NDUFB5: variants seen among roughly 807,000 people sequenced by gnomAD.
The protein encoded by NDUFB5 is NADH:ubiquinone oxidoreductase subunit B5, also known as NADH dehydrogenase [ubiquinone] 1 beta subcomplex subunit 5, mitochondrial.
In NDUFB5, 19 loss-of-function variants were observed where a neutral mutation model predicts 19.4. The observed-to-expected ratio is 0.98, with a 90% CI of 0.68 to 1.43. NDUFB5 has a LOEUF of 1.43. Ranked by LOEUF, NDUFB5 falls within the 40% of genes most tolerant of loss-of-function variation. The probability of loss-of-function intolerance (pLI) is 0.00; values close to 1 mark genes in which losing one functional copy is unlikely to be tolerated. For missense variants in NDUFB5, 233 were observed against 236.5 expected, an observed-to-expected ratio of 0.99 and a Z score of 0.10; for synonymous variants, 80 against 82.6, an observed-to-expected ratio of 0.97 and a Z score of 0.17.
chr3:179,615,605 C>T (rs1719357223), intron 2 of NDUFB5: 1 of 469,220 alleles, frequency 2.1e-6, no homozygotes, highest in Non-Finnish European at 4.2e-6. Context: ...TTGTCTGGAC[C>T]ATCTGCCACG....
At chr3:179,613,547 A>C (rs894965487) in intron 1 of NDUFB5, among the ~76,000 whole-genome samples, 1 of 152,220 alleles carries the variant, frequency 6.6e-6, no homozygotes, top group Non-Finnish European at 1.5e-5. Flanking sequence ...AGTACTTTGT[A>C]CTGTCATCCA....
chr3:179,612,093 G>C (rs1719257217), intron 1 of NDUFB5, among the ~76,000 whole-genome samples: 1 of 151,930 alleles, frequency 6.6e-6, no homozygotes, highest in African/African-American at 2.4e-5. Flanking sequence ...GGGAGTACAA[G>C]CATGCACCAC....
At chr3:179,615,614 C>T (rs948470053) in intron 2 of NDUFB5, 7 of 471,708 alleles carry the variant, frequency 1.5e-5, no homozygotes, top group Non-Finnish European at 2.1e-5. Flanking sequence ...CCATCTGCCA[C>T]GGTAGATAAA....
At position 179,624,833 on chromosome 3, in the gene NDUFB5, G is replaced by A. The variant is rs1254320592; in HGVS notation, c.*793G>A. ...TTTTTTTTTGACGAAATCTTGCACT[G>A]TCACCCAGGCTAGAGTGCAGTGCCG... On this transcript the variant is annotated 3_prime_UTR_variant, in exon 6 of 6. Coordinates refer to ENST00000259037, the MANE Select transcript of NDUFB5 (RefSeq NM_002492.4). 8.7e-6 allele frequency: 1 copy of A among 115,370 alleles called. No individual in the cohort carries two copies. The highest frequency in any genetic ancestry group is 1.1e-4 in the Admixed American group (1 of 9,030). 7.1% of individuals were successfully genotyped at this position (115,370 alleles called of 1,614,324 possible).
At chr3:179,622,410 T>G (rs774170987) in intron 5 of NDUFB5, among the ~76,000 whole-genome samples, 1 of 152,124 alleles carries the variant, frequency 6.6e-6, no homozygotes, top group Non-Finnish European at 1.5e-5. Context: ...AGCTCCTGAG[T>G]AGCTAGGACT....
chr3:179,612,580 C>G (rs1006956502), intron 1 of NDUFB5, among the ~76,000 whole-genome samples: 2 of 148,910 alleles, frequency 1.3e-5, no homozygotes, highest in African/African-American at 5.0e-5. Context: ...GGTTTACTTA[C>G]GCCATTCTCC....
intron 5 of NDUFB5, among the ~76,000 whole-genome samples, chr3:179,619,362 C>G (rs990514763): frequency 4.0e-5 from 6 of 151,806 alleles, no homozygotes; most frequent in African/African-American, 1.5e-4. Context: ...CCACCCACCC[C>G]ACAACAGGCC....
chr3:179,606,618 G>A (rs762654698), intron 1 of NDUFB5, among the ~76,000 whole-genome samples: 5 of 152,160 alleles, frequency 3.3e-5, no homozygotes, highest in African/African-American at 1.2e-4. Context: ...GATCACAGGC[G>A]TGAGCCACCC....
rs1719619219 is a variant in NDUFB5, at chr3:179,624,536, GTTC to G, written c.*499_*501del. On this transcript the variant is annotated 3_prime_UTR_variant, in exon 6 of 6. Transcript: ENST00000259037. ...ATGGTTTTTTTTTTTGCCATGTATTGTTCTTTTTTAAACTACACACAGACACAC... is the reference window on the plus strand; with the variant it reads ...ATGGTTTTTTTTTTTGCCATGTATTGTTTTTTAAACTACACACAGACACAC... 7.9e-6 allele frequency: 1 copy of G among 126,118 alleles called. No individual in the cohort carries two copies. Among genetic ancestry groups the G allele is most frequent in the South Asian group, 2.6e-4 (1 of 3,826 alleles). The allele number at this position is 126,118 out of a possible 1,614,324, so 7.8% of individuals were successfully genotyped here.
At chr3:179,606,434 G>A (rs570666488) in intron 1 of NDUFB5, among the ~76,000 whole-genome samples, 1 of 151,996 alleles carries the variant, frequency 6.6e-6, no homozygotes, top group Non-Finnish European at 1.5e-5. Context: ...TGCCTCCTGC[G>A]TTCAGGCGAT....
chr3:179,626,623 C>G lies in NDUFB5; in HGVS notation c.*2583C>G, dbSNP rs760318591. On this transcript the variant is annotated 3_prime_UTR_variant, in exon 6 of 6. Coordinates refer to ENST00000259037, the MANE Select transcript of NDUFB5 (RefSeq NM_002492.4). ...TCGACTCAGTGCAACCTCCGCCTCC[C>G]AGGTTCAAGCAATTCTCCTGCCTCA... The G allele has an allele frequency of 2.0e-5, 3 of 152,230 alleles. No individual in the cohort carries two copies. The highest frequency in any genetic ancestry group is 4.4e-5 in the Non-Finnish European group (3 of 68,150). 9.4% of individuals were successfully genotyped at this position (152,230 alleles called of 1,614,324 possible). A position where few individuals can be genotyped will look rare whatever the true frequency, so the allele number is the denominator to read the frequency against.
At chr3:179,617,730 T>C (rs1719419998) in intron 4 of NDUFB5, among the ~76,000 whole-genome samples, 1 of 152,150 alleles carries the variant, frequency 6.6e-6, no homozygotes, top group Admixed American at 6.5e-5. Flanking sequence ...TTTCATCCCA[T>C]GTAAAATGTA....
intron 2 of NDUFB5, chr3:179,615,774 C>A: frequency 1.7e-6 from 1 of 598,318 alleles, no homozygotes; most frequent in Non-Finnish European, 3.0e-6. Flanking sequence ...CACCCTGATG[C>A]TTTTAGACTT....
rs1015684825 is a variant in NDUFB5 at position 179,626,978 on chromosome 3, A to G, written c.*2938A>G. On this transcript the variant is annotated 3_prime_UTR_variant, in exon 6 of 6. Transcript: ENST00000259037. ...AATCCTGAGTCTGGGTAATTTATAAAGAAAAAAGGTGTAAATGGCTCATAG... is the reference window on the plus strand; with the variant it reads ...AATCCTGAGTCTGGGTAATTTATAAGGAAAAAAGGTGTAAATGGCTCATAG... The G allele has an allele frequency of 1.1e-4, 17 of 152,206 alleles. No individual in the cohort carries two copies. The highest frequency in any genetic ancestry group is 4.1e-4 in the African/African-American group (17 of 41,452). 9.4% of individuals were successfully genotyped at this position (152,206 alleles called of 1,614,324 possible).
chr3:179,623,789 A>G (rs1209968989), intron 5 of NDUFB5, 131 bp from the exon 6 acceptor site: 2 of 1,160,504 alleles, frequency 1.7e-6, no homozygotes, highest in Non-Finnish European at 2.5e-6. Flanking sequence ...GTATGCCTAC[A>G]TAAGGGTCTG....
chr3:179,607,458 A>C (rs1719133616), intron 1 of NDUFB5, among the ~76,000 whole-genome samples: 1 of 152,202 alleles, frequency 6.6e-6, no homozygotes, highest in African/African-American at 2.4e-5. Context: ...AATTGCTCAT[A>C]ACCTGCATTT....
intron 1 of NDUFB5, among the ~76,000 whole-genome samples, chr3:179,608,947 C>T (rs1719171560): frequency 6.6e-6 from 1 of 152,220 alleles, no homozygotes; most frequent in Non-Finnish European, 1.5e-5. Flanking sequence ...GTTGGGATTA[C>T]AGCTGTGAGC....
intron 2 of NDUFB5, chr3:179,615,615 G>A (rs4147790): frequency 0.02 from 9,576 of 471,662 alleles, 468 homozygotes; most frequent in African/African-American, 0.12. Flanking sequence ...CATCTGCCAC[G>A]GTAGATAAAG....
intron 5 of NDUFB5, among the ~76,000 whole-genome samples, chr3:179,621,356 C>T (rs1220178674): frequency 1.3e-5 from 2 of 152,144 alleles, no homozygotes; most frequent in Non-Finnish European, 2.9e-5. Context: ...AGATTACAGG[C>T]GTGAGCCACT....
Sources: gnomAD v4.1 joint callset for allele counts (sites outside exome capture counted in the v4.1 genomes callset) on GRCh38, gnomAD v4.1.1 for gene constraint, MANE v1.5 for transcripts, NCBI Gene and HGNC (gene_info 2026-07-23, HGNC 2026-07-21) for gene names.